The following HSPA4L variants were observed in gnomAD, a reference collection of about 807,000 sequenced individuals.
HSPA4L encodes heat shock protein family A (Hsp70) member 4 like, also known as heat shock 70 kDa protein 4L.
Under a neutral mutation model 100.3 loss-of-function variants are expected in HSPA4L, and 48 were observed. That is an observed-to-expected ratio of 0.48 (90% CI 0.38 to 0.61). The LOEUF is 0.61. Among genes scored for constraint, HSPA4L ranks in the 20% least tolerant of loss-of-function variants. The pLI, the probability that HSPA4L is intolerant of heterozygous loss-of-function variation, is 0.00. For synonymous variants in HSPA4L, 319 were observed against 328.2 expected, an observed-to-expected ratio of 0.97 and a Z score of 0.30; for missense variants, 886 against 988.6, an observed-to-expected ratio of 0.90 and a Z score of 1.39.
chr4:127,782,724 G>C (rs1732598662), intron 1 of HSPA4L, 67 bp downstream of exon 1: 1 of 1,163,604 alleles, frequency 8.6e-7, no homozygotes, highest in South Asian at 1.5e-5. Context: ...CTTAACGTTT[G>C]TCCTGTCTGC....
In HSPA4L at chr4:127,805,124, G is replaced by A. The variant is rs755578805; in HGVS notation, c.1037G>A (p.Arg346Gln). Residue 346 changes from arginine (R) to glutamine (Q), a missense_variant, in exon 9 of 19, where the codon CGA becomes CAA. Coordinates refer to ENST00000296464, the MANE Select transcript of HSPA4L (RefSeq NM_014278.4). ...SSIEIVGGAT[R>Q]IPAVKEQITK... ...ATAGAAATTGTAGGAGGAGCAACAC[G>A]AATTCCTGCAGTGAAAGAACAAATC... 8 of 1,612,052 alleles carry A rather than the reference G, an allele frequency of 5.0e-6. No homozygotes were observed. The highest frequency in any genetic ancestry group is 5.9e-6 in the Non-Finnish European group (7 of 1,178,748).
intron 12 of HSPA4L, among the ~76,000 whole-genome samples, chr4:127,816,383 C>T (rs2148794270): frequency 6.6e-6 from 1 of 152,166 alleles, no homozygotes; most frequent in East Asian, 1.9e-4. Context: ...TAATTTTCTG[C>T]TTTTAAATGT....
chr4:127,796,461 C>T (rs1733024130), intron 3 of HSPA4L, among the ~76,000 whole-genome samples: 1 of 151,956 alleles, frequency 6.6e-6, no homozygotes, highest in Admixed American at 6.6e-5. Context: ...AAATTCCACT[C>T]CTGGGCTTAT....
intron 11 of HSPA4L, 145 bp downstream of exon 11, chr4:127,808,274 A>C (rs1733420854): frequency 3.0e-6 from 2 of 670,874 alleles, no homozygotes; most frequent in Non-Finnish European, 4.8e-6. Flanking sequence ...AGAAATGTGC[A>C]TTTGTAGTGC....
chr4:127,786,542 T>G (rs1204149918), intron 1 of HSPA4L, among the ~76,000 whole-genome samples: 1 of 152,244 alleles, frequency 6.6e-6, no homozygotes, highest in Non-Finnish European at 1.5e-5. Context: ...CATAGCTCAC[T>G]GCAGCCTTGA....
chr4:127,840,599 T>C lies in HSPA4L; in HGVS notation c.*7725T>C, dbSNP rs1206597738. 1 of 152,170 alleles carries C rather than the reference T, an allele frequency of 6.6e-6. No homozygotes were observed. The highest frequency in any genetic ancestry group is 2.4e-5 in the African/African-American group (1 of 41,436). The allele number at this position is 152,170 out of a possible 1,614,324, so 9.4% of individuals were successfully genotyped here. A position where few individuals can be genotyped will look rare whatever the true frequency, so the allele number is the denominator to read the frequency against. On this transcript the variant is annotated 3_prime_UTR_variant, in exon 19 of 19. Coordinates refer to ENST00000296464, the MANE Select transcript of HSPA4L (RefSeq NM_014278.4). ...TGGCAGTATCAAAGCATATAAAATA[T>C]TTTCTATGTAAGTAAATTGCATCTT...
intron 12 of HSPA4L, among the ~76,000 whole-genome samples, chr4:127,814,715 C>T (rs570919922): frequency 3.9e-5 from 6 of 152,140 alleles, no homozygotes; most frequent in Admixed American, 1.3e-4. Flanking sequence ...TACAGGCATA[C>T]GCCACCACGC....
At chr4:127,807,902 G>T in intron 10 of HSPA4L, 94 bp from the exon 11 acceptor site, 2 of 1,235,782 alleles carry the variant, frequency 1.6e-6, no homozygotes, top group South Asian at 1.4e-5. Flanking sequence ...TTTTGCAGTT[G>T]CTGCTAATGA....
chr4:127,793,202 A>G (rs1274319719), intron 1 of HSPA4L, among the ~76,000 whole-genome samples: 1 of 152,206 alleles, frequency 6.6e-6, no homozygotes, highest in Non-Finnish European at 1.5e-5. Context: ...AGGAATGTCT[A>G]TTTCTGCAAG....
At position 127,798,589 on chromosome 4, in the gene HSPA4L, G is replaced by A; in HGVS notation, c.309G>A (p.Val103=). Residue 103 remains valine, a splice_region_variant and synonymous_variant, in exon 4 of 19, where the codon GTG becomes GTA. Coordinates refer to ENST00000296464, the MANE Select transcript of HSPA4L (RefSeq NM_014278.4). ...AATATCCCAACTTTTGGTGTTAGGTGCGGTACTTAGAGGAAGAGAGACCTT... is the reference window on the plus strand; with the variant it reads ...AATATCCCAACTTTTGGTGTTAGGTACGGTACTTAGAGGAAGAGAGACCTT... The part of the protein sequence containing the change: ...KMPNGSAGVK[V]RYLEEERPFA... 2 of 1,613,416 alleles carry A rather than the reference G, an allele frequency of 1.2e-6. No individual in the cohort carries two copies. The highest frequency in any genetic ancestry group is 1.1e-5 in the South Asian group (1 of 91,018).
chr4:127,805,589 A>G (rs1733330903), intron 9 of HSPA4L, 98 bp from the exon 10 acceptor site: 3 of 811,470 alleles, frequency 3.7e-6, no homozygotes, highest in South Asian at 2.6e-5. Flanking sequence ...AAAATGTAAC[A>G]GTTGTAATAG....
At chr4:127,816,086 G>A (rs1733664067) in intron 12 of HSPA4L, among the ~76,000 whole-genome samples, 1 of 152,082 alleles carries the variant, frequency 6.6e-6, no homozygotes, top group Admixed American at 6.6e-5. Flanking sequence ...TAAATCAAGC[G>A]ACAAATCGGG....
At position 127,833,383 on chromosome 4, in the gene HSPA4L, A is replaced by G. The variant is rs1183995897; in HGVS notation, c.*509A>G. The G allele has an allele frequency of 6.6e-6, 1 of 152,556 alleles. No individual in the cohort carries two copies. The highest frequency in any genetic ancestry group is 1.9e-4 in the East Asian group (1 of 5,204). The allele number at this position is 152,556 out of a possible 1,614,324, so 9.5% of individuals were successfully genotyped here. A position where few individuals can be genotyped will look rare whatever the true frequency, so the allele number is the denominator to read the frequency against. Reference sequence around the variant, plus strand: ...AAGAGCTTTCTCAACAAATTAGTCCATCTCATTGATGTACCACAGAAATCC... The same window carrying G: ...AAGAGCTTTCTCAACAAATTAGTCCGTCTCATTGATGTACCACAGAAATCC... On this transcript the variant is annotated 3_prime_UTR_variant, in exon 19 of 19. Coordinates refer to ENST00000296464, the MANE Select transcript of HSPA4L (RefSeq NM_014278.4).
chr4:127,829,948 C>T (rs1174370345), intron 17 of HSPA4L, among the ~76,000 whole-genome samples: 1 of 151,804 alleles, frequency 6.6e-6, no homozygotes, highest in Non-Finnish European at 1.5e-5. Flanking sequence ...TTTGGGTATC[C>T]GAGGAAGCTT....
In HSPA4L at chr4:127,840,678, T is replaced by G. The variant is rs552783900; in HGVS notation, c.*7804T>G. ...GTTCATTTTTGGATGGCAGTACACATTGTTAACAATCGTGTAATTATAATA... is the reference window on the plus strand; with the variant it reads ...GTTCATTTTTGGATGGCAGTACACAGTGTTAACAATCGTGTAATTATAATA... On this transcript the variant is annotated 3_prime_UTR_variant, in exon 19 of 19. Coordinates refer to ENST00000296464, the MANE Select transcript of HSPA4L (RefSeq NM_014278.4). The G allele has an allele frequency of 6.6e-6, 1 of 152,328 alleles. No individual in the cohort carries two copies. Among genetic ancestry groups the G allele is most frequent in the East Asian group, 1.9e-4 (1 of 5,192 alleles). 9.4% of individuals were successfully genotyped at this position (152,328 alleles called of 1,614,324 possible).
intron 11 of HSPA4L, chr4:127,809,549 G>T: frequency 2.7e-6 from 2 of 737,782 alleles, no homozygotes; most frequent in South Asian, 1.5e-5. Context: ...AGTGCTAGAT[G>T]AACTGTGACT....
chr4:127,812,093 G>T (rs934770491), intron 12 of HSPA4L, among the ~76,000 whole-genome samples: 1 of 152,060 alleles, frequency 6.6e-6, no homozygotes, highest in African/African-American at 2.4e-5. Flanking sequence ...AGAGGAATGT[G>T]CTGTACATTC....
At chr4:127,827,184 G>A (rs1332115680) in intron 16 of HSPA4L, 121 bp from the exon 17 acceptor site, 2 of 748,790 alleles carry the variant, frequency 2.7e-6, no homozygotes, top group Non-Finnish European at 4.3e-6. Context: ...AGGAAAATAA[G>A]AGGGGATATA....
At position 127,801,234 on chromosome 4, in the gene HSPA4L, G is replaced by C. The variant is rs1438367772; in HGVS notation, c.526G>C (p.Ala176Pro). ...TTTAAGGTTGATGAATGAAACTACTGCAGGTGAGCACTTTGCAATTTGAAA... is the reference window on the plus strand; with the variant it reads ...TTTAAGGTTGATGAATGAAACTACTCCAGGTGAGCACTTTGCAATTTGAAA... ...NCLRLMNETTAVALAYGIYKQ... is the reference protein window; with the variant it reads ...NCLRLMNETTPVALAYGIYKQ... The change falls in exon 5 of 19, where the codon GCA becomes CCA. Residue 176 changes from alanine (A) to proline (P), a missense_variant. By Grantham distance (27) the Ala-to-Pro change is conservative. Transcript: ENST00000296464. 2 of 1,604,276 alleles carry C rather than the reference G, an allele frequency of 1.2e-6. No individual in the cohort carries two copies. The highest frequency in any genetic ancestry group is 2.2e-5 in the South Asian group (2 of 90,002).
Sources: allele counts gnomAD v4.1 joint callset (sites outside exome capture counted in the v4.1 genomes callset), GRCh38; gene constraint gnomAD v4.1.1; transcripts MANE v1.5; gene names NCBI Gene and HGNC (gene_info 2026-07-23, HGNC 2026-07-21).